GDAP2: variants seen among roughly 807,000 people sequenced by gnomAD.
The protein encoded by GDAP2 is ganglioside-induced differentiation-associated protein 2.
In GDAP2, 51 loss-of-function variants were observed where a neutral mutation model predicts 67.0. The ratio of observed to expected loss-of-function variants is 0.76; its 90% CI spans 0.61 to 0.96. The LOEUF (loss-of-function observed/expected upper bound fraction) is 0.96. GDAP2 is among the 40% of genes least tolerant of loss of function. GDAP2 has a pLI of 0.00. For missense variants in GDAP2, 547 were observed against 588.3 expected (o/e 0.93, Z 0.73); for synonymous variants, 203 against 207.3 (o/e 0.98, Z 0.18).
At chr1:117,923,925 T>G (rs940855741) in intron 1 of GDAP2, among the ~76,000 whole-genome samples, 1 of 152,240 alleles carries the variant, frequency 6.6e-6, no homozygotes, top group African/African-American at 2.4e-5. Flanking sequence ...ATCCAACCTT[T>G]CCTTTTCTGT....
At position 117,914,155 on chromosome 1, in the gene GDAP2, C is replaced by T. The variant is rs1237808417; in HGVS notation, c.317-1472G>A. On this transcript the variant is annotated intron_variant, in intron 3 of 13. Transcript: ENST00000369443. ...TTCAGTTCTTCCATCTTAAATCCAGCTAACACTTAAGGATCACCAGAAAGT... is the reference window on the plus strand; with the variant it reads ...TTCAGTTCTTCCATCTTAAATCCAGTTAACACTTAAGGATCACCAGAAAGT... Among the ~76,000 whole-genome samples, 3 of 152,102 alleles carry T rather than the reference C, an allele frequency of 2.0e-5. No homozygotes were observed. In the East Asian group the frequency reaches 5.8e-4, roughly 29 times the overall value.
chr1:117,904,115 T>C (rs989984250), intron 6 of GDAP2, among the ~76,000 whole-genome samples: 2 of 152,020 alleles, frequency 1.3e-5, no homozygotes, highest in Non-Finnish European at 2.9e-5. Context: ...GCCTCCCTAG[T>C]AGCTGGGATT....
intron 6 of GDAP2, among the ~76,000 whole-genome samples, chr1:117,904,600 T>C (rs1328669908): frequency 1.3e-5 from 2 of 152,242 alleles, no homozygotes; most frequent in East Asian, 1.9e-4. Flanking sequence ...GCAAAGACTT[T>C]TATTCTCTGT....
chr1:117,895,587 G>A (rs1191235867), intron 8 of GDAP2, among the ~76,000 whole-genome samples: 1 of 152,198 alleles, frequency 6.6e-6, no homozygotes, highest in East Asian at 1.9e-4. Context: ...AGGAGCCCAG[G>A]CACCGTATTT....
At chr1:117,908,732 G>C (rs1254456765) in intron 5 of GDAP2, among the ~76,000 whole-genome samples, 1 of 152,006 alleles carries the variant, frequency 6.6e-6, no homozygotes, top group Non-Finnish European at 1.5e-5. Flanking sequence ...GGCTAACAAG[G>C]GAGGATCACT....
chr1:117,909,289 A>G (rs1048337707), intron 5 of GDAP2, among the ~76,000 whole-genome samples: 2 of 152,204 alleles, frequency 1.3e-5, no homozygotes, highest in African/African-American at 4.8e-5. Flanking sequence ...GTAGTCACTT[A>G]AATTTTTGTT....
intron 6 of GDAP2, among the ~76,000 whole-genome samples, chr1:117,902,361 C>A (rs1435389808): frequency 6.6e-6 from 1 of 152,164 alleles, no homozygotes; most frequent in Non-Finnish European, 1.5e-5. Flanking sequence ...GGTGCCATAT[C>A]TAATAAACCA....
At chr1:117,898,985 A>T in intron 7 of GDAP2, 72 bp downstream of exon 7, 1 of 1,103,798 alleles carries the variant, frequency 9.1e-7, no homozygotes, top group Non-Finnish European at 1.4e-6. Flanking sequence ...TGAATTTCTT[A>T]CTTCTTTGGT....
Position 117,906,452 on chromosome 1 carries a change from C to A in GDAP2, c.636+54G>T. 3 of 952,220 alleles carry A rather than the reference C, an allele frequency of 3.2e-6. No individual in the cohort carries two copies. The South Asian group carries it at 4.2e-5, about 13-fold the overall frequency. 59.0% of individuals were successfully genotyped at this position (952,220 alleles called of 1,614,324 possible). ...TAAATATGTAGTGACAAGCCAAAGT[C>A]AAATGCTTAAAGATAGAAATAAGAT... On this transcript the variant is annotated intron_variant, in intron 6 of 13. Transcript: ENST00000369443.
At chr1:117,912,164 T>A in intron 4 of GDAP2, 82 bp from the exon 5 acceptor site, 1 of 823,476 alleles carries the variant, frequency 1.2e-6, no homozygotes, top group Non-Finnish European at 2.1e-6. Flanking sequence ...TTTCAAAATC[T>A]AGCTCAACTT....
chr1:117,883,836 A>G (rs1208090031), intron 10 of GDAP2, among the ~76,000 whole-genome samples: 1 of 152,194 alleles, frequency 6.6e-6, no homozygotes, highest in East Asian at 1.9e-4. Flanking sequence ...AATAATTCTC[A>G]TAAGTGCTAC....
At chr1:117,908,128 T>C (rs1212767589) in intron 5 of GDAP2, among the ~76,000 whole-genome samples, 1 of 151,984 alleles carries the variant, frequency 6.6e-6, no homozygotes, top group Non-Finnish European at 1.5e-5. Context: ...CCTACTCATT[T>C]TTCAAGACCT....
At position 117,878,059 on chromosome 1, in the gene GDAP2, A is replaced by G; in HGVS notation, c.1396T>C (p.Ser466Pro). 1 of 1,611,968 alleles carries G rather than the reference A, an allele frequency of 6.2e-7. No individual in the cohort carries two copies. Among genetic ancestry groups the G allele is most frequent in the African/African-American group, 1.3e-5 (1 of 75,022 alleles). ...DSLHQLFSAI[S>P]PEQIDFPPFV... ...GGAGGAAAGTCAATCTGTTCTGGTG[A>G]TATGGCAGAAAACAGCTGGTGGAGG... Residue 466 changes from serine (S) to proline (P), a missense_variant, in exon 13 of 14, where the codon TCA becomes CCA. Physicochemically the swap from Ser to Pro is moderately conservative, Grantham distance 74 (BLOSUM62 -1). Coordinates refer to ENST00000369443, the MANE Select transcript of GDAP2 (RefSeq NM_017686.4).
intron 8 of GDAP2, among the ~76,000 whole-genome samples, chr1:117,890,877 T>C (rs1406572818): frequency 6.6e-6 from 1 of 152,018 alleles, no homozygotes; most frequent in Non-Finnish European, 1.5e-5. Flanking sequence ...TTCAATGTCG[T>C]TGATTGATTT....
chr1:117,893,796 A>G (rs916791207), intron 8 of GDAP2, among the ~76,000 whole-genome samples: 1 of 152,166 alleles, frequency 6.6e-6, no homozygotes, highest in African/African-American at 2.4e-5. Flanking sequence ...TATAAAACAC[A>G]GACATTTTTA....
At chr1:117,887,484 A>T (rs1347021206) in intron 9 of GDAP2, among the ~76,000 whole-genome samples, 1 of 152,196 alleles carries the variant, frequency 6.6e-6, no homozygotes, top group East Asian at 1.9e-4. Flanking sequence ...AGCATGAAAT[A>T]AAGTTGGCCA....
intron 5 of GDAP2, among the ~76,000 whole-genome samples, chr1:117,911,351 G>A (rs1649849787): frequency 6.6e-6 from 1 of 152,182 alleles, no homozygotes; most frequent in African/African-American, 2.4e-5. Flanking sequence ...TAGCATGTGT[G>A]AATGTGGCTA....
chr1:117,924,602 G>C (rs1650378627), intron 1 of GDAP2, among the ~76,000 whole-genome samples: 1 of 152,206 alleles, frequency 6.6e-6, no homozygotes, highest in African/African-American at 2.4e-5. Flanking sequence ...CATGGATCTA[G>C]TGAAATATGC....
chr1:117,883,405 G>T, intron 11 of GDAP2, 83 bp downstream of exon 11: 2 of 978,410 alleles, frequency 2.0e-6, no homozygotes, highest in Non-Finnish European at 3.2e-6. Context: ...TCCTTTCACA[G>T]AATACAAAGC....
Sources: allele counts gnomAD v4.1 joint callset (sites outside exome capture counted in the v4.1 genomes callset), GRCh38; gene constraint gnomAD v4.1.1; transcripts MANE v1.5; gene names NCBI Gene and HGNC (gene_info 2026-07-23, HGNC 2026-07-21).